The following GAB1 variants were observed in gnomAD, a reference collection of about 807,000 sequenced individuals.
GAB1 encodes GRB2 associated binding protein 1.
In GAB1, 19 loss-of-function variants were observed where a neutral mutation model predicts 66.5. The observed-to-expected ratio is 0.29, with a 90% confidence interval of 0.20 to 0.42. The LOEUF (loss-of-function observed/expected upper bound fraction) is 0.42, where lower values mean the gene tolerates loss of function less well. GAB1 is among the 10% of genes least tolerant of loss of function. GAB1 has a pLI of 1.00. For synonymous variants in GAB1, 294 were observed against 301.4 expected, an observed-to-expected ratio of 0.98 and a Z score of 0.25; for missense variants, 732 against 858.5, an observed-to-expected ratio of 0.85 and a Z score of 1.84.
At chr4:143,466,858 T>A (rs1735818582) in intron 9 of GAB1, among the ~76,000 whole-genome samples, 1 of 152,158 alleles carries the variant, frequency 6.6e-6, no homozygotes, top group Admixed American at 6.5e-5. Context: ...TCAAATTCTG[T>A]GCTATCTTTG....
chr4:143,412,025 A>G (rs1248762702), intron 1 of GAB1, among the ~76,000 whole-genome samples: 1 of 152,210 alleles, frequency 6.6e-6, no homozygotes, highest in African/African-American at 2.4e-5. Context: ...CGTCTTGTAT[A>G]ATGTCTACTC....
In GAB1 at chr4:143,470,436, A is replaced by G. The variant is rs1026781061; in HGVS notation, c.*1247A>G. The G allele has an allele frequency of 1.3e-5, 2 of 152,182 alleles. No individual in the cohort carries two copies. The highest frequency in any genetic ancestry group is 4.8e-5 in the African/African-American group (2 of 41,448). 9.4% of individuals were successfully genotyped at this position (152,182 alleles called of 1,614,324 possible). On this transcript the variant is annotated 3_prime_UTR_variant, in exon 10 of 10. Coordinates refer to ENST00000262994, the MANE Select transcript of GAB1 (RefSeq NM_002039.4). The stretch of plus-strand genomic sequence containing the variant: ...CAAGAAATATTGGAGCCTTGCTACA[A>G]TGTGAAATGTTATAGTCATGGACTC...
chr4:143,380,874 T>C (rs758649660), intron 1 of GAB1: 11 of 152,262 alleles, frequency 7.2e-5, no homozygotes, highest in Non-Finnish European at 1.3e-4. Context: ...CAGATATGCT[T>C]TCCGTTAACT....
chr4:143,340,773 A>C (rs1002091973), intron 1 of GAB1, among the ~76,000 whole-genome samples: 1 of 152,202 alleles, frequency 6.6e-6, no homozygotes, highest in Non-Finnish European at 1.5e-5. Context: ...AAGTCCTGGG[A>C]TTACAGGCAT....
chr4:143,358,279 T>G (rs1330485501), intron 1 of GAB1, among the ~76,000 whole-genome samples: 1 of 152,206 alleles, frequency 6.6e-6, no homozygotes, highest in Non-Finnish European at 1.5e-5. Context: ...CAATTTTAAG[T>G]TTCATAGCTT....
At chr4:143,380,228 G>A (rs1377587334) in intron 1 of GAB1, among the ~76,000 whole-genome samples, 1 of 151,796 alleles carries the variant, frequency 6.6e-6, no homozygotes, top group Non-Finnish European at 1.5e-5. Context: ...GTGTACAAAA[G>A]TCTCATGGTA....
rs544500549 is a variant in GAB1 at position 143,450,902 on chromosome 4, A to G, written c.1586-8483A>G. On this transcript the variant is annotated intron_variant, in intron 6 of 9. Transcript: ENST00000262994. ...CAAGACTGCATCTCAAAAAAAAAAA[A>G]CAAAAAATGTGTGAGATTGATCAGG... Among the ~76,000 whole-genome samples, 10 of 148,190 alleles carry G rather than the reference A, an allele frequency of 6.7e-5. No homozygotes were observed. The East Asian group carries it at 7.8e-4, about 12-fold the overall frequency.
intron 1 of GAB1, among the ~76,000 whole-genome samples, chr4:143,357,836 A>AG (rs1729508531): frequency 6.6e-6 from 1 of 151,900 alleles, no homozygotes; most frequent in Non-Finnish European, 1.5e-5. Context: ...TATCTCTTCA[A>AG]AGATGGTTCT....
At chr4:143,450,751 C>T (rs369467667) in intron 6 of GAB1, among the ~76,000 whole-genome samples, 30 of 152,026 alleles carry the variant, frequency 2.0e-4, no homozygotes, top group African/African-American at 6.0e-4. Context: ...ATTAGCCAGG[C>T]GTGGTGGCGC....
chr4:143,406,438 T>G (rs566165788), intron 1 of GAB1, among the ~76,000 whole-genome samples: 1 of 152,340 alleles, frequency 6.6e-6, no homozygotes, highest in African/African-American at 2.4e-5. Flanking sequence ...CCGCAAGTTC[T>G]TAGGGAGATG....
chr4:143,459,986 T>C (rs907098382), intron 7 of GAB1, among the ~76,000 whole-genome samples: 3 of 152,172 alleles, frequency 2.0e-5, no homozygotes, highest in Non-Finnish European at 4.4e-5. Flanking sequence ...GAGGAATTTA[T>C]GAAGTTACAA....
chr4:143,433,054 A>G (rs1405451312), intron 2 of GAB1, among the ~76,000 whole-genome samples: 1 of 152,204 alleles, frequency 6.6e-6, no homozygotes, highest in African/African-American at 2.4e-5. Flanking sequence ...AAACAGGGTA[A>G]AGAGCTGGCC....
intron 1 of GAB1, among the ~76,000 whole-genome samples, chr4:143,368,596 G>A (rs189699356): frequency 1.5e-4 from 23 of 152,068 alleles, no homozygotes; most frequent in African/African-American, 5.3e-4. Context: ...AGATTCCTTC[G>A]GAGATTTTTC....
intron 2 of GAB1, among the ~76,000 whole-genome samples, chr4:143,422,127 A>G (rs1733063907): frequency 6.6e-6 from 1 of 152,214 alleles, no homozygotes; most frequent in African/African-American, 2.4e-5. Context: ...ATTTAGAGTA[A>G]GAAAATGGTA....
At chr4:143,339,961 A>C (rs1728774379) in intron 1 of GAB1, among the ~76,000 whole-genome samples, 1 of 152,218 alleles carries the variant, frequency 6.6e-6, no homozygotes, top group Non-Finnish European at 1.5e-5. Flanking sequence ...CCTGGAAGAC[A>C]GTAGACAGGG....
intron 6 of GAB1, among the ~76,000 whole-genome samples, chr4:143,448,660 A>G (rs1258634681): frequency 1.8e-4 from 28 of 151,478 alleles, no homozygotes; most frequent in Non-Finnish European, 2.8e-4. Flanking sequence ...TTTTTATTGC[A>G]TCTATTTGAT....
At chr4:143,462,393 T>C (rs1376755244) in intron 8 of GAB1, among the ~76,000 whole-genome samples, 1 of 152,154 alleles carries the variant, frequency 6.6e-6, no homozygotes, top group Non-Finnish European at 1.5e-5. Flanking sequence ...TAGAGTATTT[T>C]CTGAGGTACT....
At chr4:143,458,929 A>G (rs142172153) in intron 6 of GAB1, among the ~76,000 whole-genome samples, 1 of 152,088 alleles carries the variant, frequency 6.6e-6, no homozygotes, top group East Asian at 1.9e-4. Flanking sequence ...AATAGTTTCT[A>G]TGCATCATTT....
At chr4:143,356,921 C>T (rs1359510085) in intron 1 of GAB1, among the ~76,000 whole-genome samples, 3 of 152,122 alleles carry the variant, frequency 2.0e-5, no homozygotes, top group Non-Finnish European at 2.9e-5. Flanking sequence ...AAAAGAACAA[C>T]CTTTTTTGTG....
Sources: gnomAD v4.1 joint callset for allele counts (sites outside exome capture counted in the v4.1 genomes callset) on GRCh38, gnomAD v4.1.1 for gene constraint, MANE v1.5 for transcripts, NCBI Gene and HGNC (gene_info 2026-07-23, HGNC 2026-07-21) for gene names.